The following AMOTL1 variants were observed in gnomAD, a reference collection of about 807,000 sequenced individuals.
The protein encoded by AMOTL1 is angiomotin-like protein 1.
A neutral mutation model predicts 102.9 loss-of-function variants in AMOTL1; 45 were observed. That is an observed-to-expected ratio of 0.44 (90% CI 0.34 to 0.56). The LOEUF (loss-of-function observed/expected upper bound fraction) is 0.56, where lower values mean the gene tolerates loss of function less well. Ranked by LOEUF, AMOTL1 falls within the 20% of genes least tolerant of loss-of-function variation. AMOTL1 has a pLI of 0.01. For synonymous variants in AMOTL1, 481 were observed against 484.7 expected, an observed-to-expected ratio of 0.99 and a Z score of 0.10; for missense variants, 1,114 against 1,225.6, an observed-to-expected ratio of 0.91 and a Z score of 1.36.
chr11:94,741,599 A>C (rs985771425), intron 3 of AMOTL1, among the ~76,000 whole-genome samples: 1 of 152,256 alleles, frequency 6.6e-6, no homozygotes, highest in Middle Eastern at 3.4e-3. Flanking sequence ...CGATGGGTGA[A>C]CCGGGACACT....
chr11:94,725,453 T>C (rs1453338219), intron 1 of AMOTL1, among the ~76,000 whole-genome samples: 1 of 152,218 alleles, frequency 6.6e-6, no homozygotes, highest in Admixed American at 6.5e-5. Flanking sequence ...ATTCATTCAT[T>C]CAGCAAATCT....
At chr11:94,841,771 A>G (rs1164020274) in intron 6 of AMOTL1, among the ~76,000 whole-genome samples, 2 of 152,226 alleles carry the variant, frequency 1.3e-5, no homozygotes, top group Non-Finnish European at 2.9e-5. Flanking sequence ...TAAAGTGCAT[A>G]TGTAATAAAC....
intron 7 of AMOTL1, among the ~76,000 whole-genome samples, chr11:94,852,899 G>A (rs72973825): frequency 6.6e-6 from 1 of 152,188 alleles, no homozygotes; most frequent in Non-Finnish European, 1.5e-5. Context: ...TATTATAAAT[G>A]TAATTTATGC....
rs181869823 is a variant in AMOTL1 at position 94,773,918 on chromosome 11, A to G, written c.49+5358A>G. On this transcript the variant is annotated intron_variant, in intron 1 of 12. Coordinates refer to ENST00000433060, the MANE Select transcript of AMOTL1 (RefSeq NM_130847.3). ...GGAGAGGTAGTATTTTGGATTGAGA[A>G]CAGGTGTATCCTGGCCCTGCCGCCT... is the stretch of plus-strand genomic sequence containing the variant. Among the ~76,000 whole-genome samples, 38 of 152,344 alleles carry G rather than the reference A, an allele frequency of 2.5e-4. No homozygotes were observed. The East Asian group carries it at 6.2e-3, about 25-fold the overall frequency.
rs562403027 is a variant in AMOTL1, at chr11:94,771,514, G to GT, written c.49+2961dup. On this transcript the variant is annotated intron_variant, in intron 1 of 12. Transcript: ENST00000433060. Reference sequence around the variant, plus strand: ...TTGTTGTGGTTTTATGTTTTGTTTTGTTTTTTTGTTTGCCTAGTGATTTTT... The same window carrying GT: ...TTGTTGTGGTTTTATGTTTTGTTTTGTTTTTTTTGTTTGCCTAGTGATTTTT... Among the ~76,000 whole-genome samples the GT allele has an allele frequency of 4.6e-3, 697 of 152,088 alleles. 13 individuals carry two copies. The highest frequency in any genetic ancestry group is 0.016 in the African/African-American group (664 of 41,478).
intron 6 of AMOTL1, among the ~76,000 whole-genome samples, chr11:94,848,312 G>A (rs1396737771): frequency 6.6e-6 from 1 of 152,156 alleles, no homozygotes; most frequent in Non-Finnish European, 1.5e-5. Context: ...AAATGCTGCA[G>A]AAAGGAAGAA....
At chr11:94,827,947 A>G (rs1166706275) in intron 4 of AMOTL1, among the ~76,000 whole-genome samples, 3 of 151,886 alleles carry the variant, frequency 2.0e-5, no homozygotes, top group Non-Finnish European at 4.4e-5. Flanking sequence ...TTGGCCTTCT[A>G]ATCTTCTGTT....
chr11:94,753,652 C>G (rs1187341750), intron 3 of AMOTL1, among the ~76,000 whole-genome samples: 1 of 152,104 alleles, frequency 6.6e-6, no homozygotes, highest in Non-Finnish European at 1.5e-5. Flanking sequence ...GTGGTAGGGC[C>G]AGGGCTTAAA....
intron 1 of AMOTL1, among the ~76,000 whole-genome samples, chr11:94,709,417 C>T (rs1381033094): frequency 6.6e-6 from 1 of 152,012 alleles, no homozygotes; most frequent in African/African-American, 2.4e-5. Flanking sequence ...GGTGTAAATA[C>T]TCCCACCATG....
intron 6 of AMOTL1, among the ~76,000 whole-genome samples, chr11:94,836,493 A>G (rs1304046487): frequency 1.1e-4 from 17 of 152,196 alleles, no homozygotes; most frequent in African/African-American, 4.1e-4. Context: ...AACCCCTTGC[A>G]TGTTCATGTA....
intron 4 of AMOTL1, among the ~76,000 whole-genome samples, chr11:94,829,343 C>T (rs1952029898): frequency 6.6e-6 from 1 of 151,930 alleles, no homozygotes; most frequent in Non-Finnish European, 1.5e-5. Flanking sequence ...CCACCTCAGC[C>T]TCCCAAGTAG....
intron 3 of AMOTL1, among the ~76,000 whole-genome samples, chr11:94,819,051 C>T (rs1414715852): frequency 6.6e-6 from 1 of 152,032 alleles, no homozygotes. Context: ...TATGAGATTT[C>T]ACAACCTACT....
chr11:94,727,515 T>G (rs1441124171), intron 1 of AMOTL1, among the ~76,000 whole-genome samples: 3 of 152,166 alleles, frequency 2.0e-5, no homozygotes, highest in South Asian at 2.1e-4. Flanking sequence ...TGCAGCTTCC[T>G]CAATCCACTG....
intron 6 of AMOTL1, among the ~76,000 whole-genome samples, chr11:94,837,815 A>G (rs1453719570): frequency 6.6e-6 from 1 of 152,180 alleles, no homozygotes; most frequent in African/African-American, 2.4e-5. Context: ...AAAATTATTT[A>G]TTTGCTTGGC....
intron 1 of AMOTL1, among the ~76,000 whole-genome samples, chr11:94,719,623 A>G (rs1950147441): frequency 2.0e-5 from 3 of 151,992 alleles, no homozygotes; most frequent in South Asian, 4.1e-4. Flanking sequence ...AAAGAAACAT[A>G]GGCAATATTT....
At chr11:94,759,173 A>T (rs73530064) in intron 3 of AMOTL1, among the ~76,000 whole-genome samples, 6,093 of 151,172 alleles carry the variant, frequency 0.04, 403 homozygotes, top group African/African-American at 0.14. Context: ...AGCATTCATA[A>T]TTTTTTTTTC....
rs889885582 is a variant in AMOTL1, at chr11:94,872,372, A to C, written c.*1577A>C. ...GCTGTTTTCCCAGTTCCCTTTGCTC[A>C]TGCTTACTTAGAGGAAGAAAGAAAG... is the stretch of plus-strand genomic sequence containing the variant. On this transcript the variant is annotated 3_prime_UTR_variant, in exon 13 of 13. Transcript: ENST00000433060. 1 of 152,220 alleles carries C rather than the reference A, an allele frequency of 6.6e-6. No homozygotes were observed. The highest frequency in any genetic ancestry group is 2.4e-5 in the African/African-American group (1 of 41,426). The allele number at this position is 152,220 out of a possible 1,614,324, so 9.4% of individuals were successfully genotyped here.
Position 94,830,172 on chromosome 11 carries a change from T to G in AMOTL1, c.1536T>G (p.His512Gln). Reference sequence around the variant, plus strand: ...TGGAAGGCGAGATTAGAAGACTTCATGATTTCAACAGAGACCTCCGAGGCA... The same window carrying G: ...TGGAAGGCGAGATTAGAAGACTTCAGGATTTCAACAGAGACCTCCGAGGCA... ...NKLEGEIRRL[H>Q]DFNRDLRDRL... Residue 512 changes from histidine (H) to glutamine (Q), a missense_variant, in exon 5 of 13, where the codon CAT (histidine) becomes CAG (glutamine). Physicochemically the swap from His to Gln is conservative, Grantham distance 24. Transcript: ENST00000433060. 1 of 1,608,964 alleles carries G rather than the reference T, an allele frequency of 6.2e-7. No individual in the cohort carries two copies. The highest frequency in any genetic ancestry group is 2.2e-5 in the East Asian group (1 of 44,814).
At chr11:94,751,701 A>T (rs1439565271) in intron 3 of AMOTL1, among the ~76,000 whole-genome samples, 1 of 96,316 alleles carries the variant, frequency 1.0e-5, no homozygotes, top group Non-Finnish European at 1.7e-5. Context: ...TGCTTTGGCT[A>T]AAAAAAAAAA....
Sources: gnomAD v4.1 joint callset for allele counts (sites outside exome capture counted in the v4.1 genomes callset) on GRCh38, gnomAD v4.1.1 for gene constraint, MANE v1.5 for transcripts, NCBI Gene and HGNC (gene_info 2026-07-23, HGNC 2026-07-21) for gene names.